NFAT5: variants seen among roughly 807,000 people sequenced by gnomAD.
NFAT5 encodes nuclear factor of activated T-cells 5.
A neutral mutation model predicts 166.5 loss-of-function variants in NFAT5; 31 were observed. The observed-to-expected ratio is 0.19, with a 90% CI of 0.14 to 0.25. NFAT5 has a LOEUF of 0.25. NFAT5 is among the 10% of genes least tolerant of loss of function. The pLI, the probability that NFAT5 is intolerant of heterozygous loss-of-function variation, is 1.00. For synonymous variants in NFAT5, 612 were observed against 639.7 expected, an observed-to-expected ratio of 0.96 and a Z score of 0.65; for missense variants, 1,449 against 1,821.8, an observed-to-expected ratio of 0.80 and a Z score of 3.72.
chr16:69,641,375 C>G (rs1333604908), intron 3 of NFAT5, among the ~76,000 whole-genome samples: 1 of 150,698 alleles, frequency 6.6e-6, no homozygotes, highest in Non-Finnish European at 1.5e-5. Flanking sequence ...CTTTGTTCCA[C>G]TATTTGTTCA....
intron 6 of NFAT5, among the ~76,000 whole-genome samples, chr16:69,656,307 T>G (rs1265858574): frequency 2.7e-5 from 4 of 150,178 alleles, no homozygotes; most frequent in Non-Finnish European, 4.4e-5. Flanking sequence ...AAAAAAGAAT[T>G]CCCGTGGTAA....
intron 4 of NFAT5, chr16:69,648,343 A>G (rs1270337177): frequency 2.2e-5 from 22 of 983,456 alleles, no homozygotes; most frequent in Non-Finnish European, 2.7e-5. Context: ...TCTTTAATTG[A>G]TGAAAACAAG....
At chr16:69,690,316 G>C (rs62049975) in intron 11 of NFAT5, among the ~76,000 whole-genome samples, 2 of 150,420 alleles carry the variant, frequency 1.3e-5, no homozygotes, top group African/African-American at 4.9e-5. Flanking sequence ...CCTTATTTCT[G>C]GGGAAAAAAA....
intron 2 of NFAT5, among the ~76,000 whole-genome samples, chr16:69,610,928 A>C (rs746549654): frequency 6.6e-6 from 1 of 151,868 alleles, no homozygotes; most frequent in African/African-American, 2.4e-5. Context: ...CTTTCAGTCA[A>C]CCTCACTGGA....
At chr16:69,669,443 G>C (rs1661686281) in intron 7 of NFAT5, among the ~76,000 whole-genome samples, 1 of 152,116 alleles carries the variant, frequency 6.6e-6, no homozygotes, top group Non-Finnish European at 1.5e-5. Flanking sequence ...TACTGAGGAG[G>C]CTGAGGCAGG....
chr16:69,624,689 G>C (rs1305641753), intron 2 of NFAT5, among the ~76,000 whole-genome samples: 2 of 152,050 alleles, frequency 1.3e-5, no homozygotes, highest in Admixed American at 6.5e-5. Flanking sequence ...TATGAATCCA[G>C]TAAGCAGTTA....
intron 7 of NFAT5, among the ~76,000 whole-genome samples, chr16:69,664,995 C>G (rs775786003): frequency 9.9e-5 from 15 of 152,112 alleles, no homozygotes; most frequent in Non-Finnish European, 1.8e-4. Context: ...CCACTGCACT[C>G]CAGCCTGGGC....
At chr16:69,577,116 G>A (rs189674146) in intron 2 of NFAT5, among the ~76,000 whole-genome samples, 5 of 152,176 alleles carry the variant, frequency 3.3e-5, no homozygotes, top group African/African-American at 1.2e-4. Context: ...TTTTTAATCT[G>A]CCCCTTTCAC....
chr16:69,604,679 G>A (rs1312868806), intron 2 of NFAT5, among the ~76,000 whole-genome samples: 8 of 152,058 alleles, frequency 5.3e-5, no homozygotes, highest in Non-Finnish European at 1.2e-4. Context: ...CTGGTTCAAA[G>A]CCATTTTTAT....
chr16:69,681,358 A>C (rs1356344708), intron 10 of NFAT5, among the ~76,000 whole-genome samples: 1 of 152,238 alleles, frequency 6.6e-6, no homozygotes, highest in Non-Finnish European at 1.5e-5. Context: ...AAAACTAACA[A>C]ATCATTAAGT....
chr16:69,568,393 T>TATATATATAC (rs1362035113), intron 1 of NFAT5, 102 bp from the exon 2 acceptor site: 1 of 499,884 alleles, frequency 2.0e-6, no homozygotes, highest in Non-Finnish European at 3.6e-6. Flanking sequence ...TATATATATA[T>TATATATATAC]ACACACACAC....
In NFAT5 at chr16:69,566,296, G is replaced by T. The variant is rs1384139141; in HGVS notation, c.-6G>T. On this transcript the variant is annotated 5_prime_UTR_variant, in exon 1 of 15. Transcript: ENST00000349945. The surrounding 1 kb of genome is among the most constrained non-coding windows in gnomAD (Gnocchi z 5.7). The stretch of plus-strand genomic sequence containing the variant: ...CTGCCCTCGGGCCGGGCTGGGTCGA[G>T]CTGCGATGCCCTCGGACTTCATCTC... 1 of 1,602,568 alleles carries T rather than the reference G, an allele frequency of 6.2e-7. No individual in the cohort carries two copies.
intron 3 of NFAT5, among the ~76,000 whole-genome samples, chr16:69,637,972 G>A (rs1024791051): frequency 6.6e-6 from 1 of 152,124 alleles, no homozygotes; most frequent in Non-Finnish European, 1.5e-5. Flanking sequence ...TGTAATCCCA[G>A]CATTTTGGGA....
chr16:69,642,270 G>A (rs192187755), intron 3 of NFAT5, among the ~76,000 whole-genome samples: 61 of 152,256 alleles, frequency 4.0e-4, no homozygotes, highest in Middle Eastern at 3.4e-3. Flanking sequence ...CTTAAAAGAA[G>A]CTGTATGTAC....
intron 4 of NFAT5, chr16:69,648,514 C>T (rs1167985389): frequency 2.0e-5 from 20 of 982,834 alleles, no homozygotes; most frequent in Admixed American, 6.3e-5. Context: ...GGTGATGAAA[C>T]AGGATCATGG....
intron 10 of NFAT5, among the ~76,000 whole-genome samples, chr16:69,677,652 A>T (rs2036883607): frequency 1.3e-5 from 2 of 152,182 alleles, no homozygotes; most frequent in Admixed American, 1.3e-4. Flanking sequence ...TATGTGCAGA[A>T]ACCTGAAAGT....
rs1032101953 is a variant in NFAT5, at chr16:69,698,410, C to G, written c.*2059C>G. On this transcript the variant is annotated 3_prime_UTR_variant, in exon 15 of 15. Coordinates refer to ENST00000349945, the MANE Select transcript of NFAT5 (RefSeq NM_138713.4). ...ATTTATATATATACATATATATAAA[C>G]TATTCTTTTTTGCCACACATTTTTG... 1 of 150,626 alleles carries G rather than the reference C, an allele frequency of 6.6e-6. No homozygotes were observed. Among genetic ancestry groups the G allele is most frequent in the African/African-American group, 2.5e-5 (1 of 40,710 alleles). 9.3% of individuals were successfully genotyped at this position (150,626 alleles called of 1,614,324 possible). A position where few individuals can be genotyped will look rare whatever the true frequency, so the allele number is the denominator to read the frequency against.
intron 2 of NFAT5, among the ~76,000 whole-genome samples, chr16:69,592,436 G>A (rs1418129309): frequency 6.6e-6 from 1 of 151,512 alleles, no homozygotes; most frequent in Non-Finnish European, 1.5e-5. Context: ...TTTTTTTGTT[G>A]TTGTTCAAAA....
rs1055821963 is a variant in NFAT5, at chr16:69,695,189, G to A, written c.4468G>A (p.Ala1490Thr). ...GPATLPDQLM[A>T]ISQPGQPQNE... is the part of the protein sequence containing the mutation. ...AGCTACATTGCCTGATCAGTTGATGGCCATAAGTCAGCCAGGCCAACCACA... is the reference window on the plus strand; with the variant it reads ...AGCTACATTGCCTGATCAGTTGATGACCATAAGTCAGCCAGGCCAACCACA... Residue 1490 changes from alanine to threonine, a missense_variant, in exon 14 of 15, where the codon GCC becomes ACC. By Grantham distance (58) the Ala-to-Thr change is moderately conservative (BLOSUM62 0). This residue lies in a region of NFAT5 where 891 missense variants were observed against 993.0 expected (regional missense o/e 0.90). Transcript: ENST00000349945. 6.2e-6 allele frequency: 10 copies of A among 1,614,014 alleles called. No individual in the cohort carries two copies. The South Asian group carries it at 1.1e-4, about 18-fold the overall frequency.
Sources: allele counts gnomAD v4.1 joint callset (sites outside exome capture counted in the v4.1 genomes callset), GRCh38; gene constraint gnomAD v4.1.1; regional missense constraint gnomAD v4.1.1; non-coding constraint Gnocchi (gnomAD v3.1); transcripts MANE v1.5; gene names NCBI Gene and HGNC (gene_info 2026-07-23, HGNC 2026-07-21).